SEMA4B: variants seen among roughly 807,000 people sequenced by gnomAD.
The protein encoded by SEMA4B is semaphorin 4B, also known as semaphorin-4B.
SEMA4B carries 55 observed loss-of-function variants against 88.1 expected under a neutral mutation model. The observed-to-expected ratio is 0.62, with a 90% confidence interval of 0.50 to 0.78. The LOEUF (loss-of-function observed/expected upper bound fraction) is 0.78, where lower values mean the gene tolerates loss of function less well. Ranked by LOEUF, SEMA4B falls within the 30% of genes least tolerant of loss-of-function variation. The probability of loss-of-function intolerance (pLI) is 0.00; values close to 1 mark genes in which losing one functional copy is unlikely to be tolerated. For missense variants in SEMA4B, 1,062 were observed against 1,111.9 expected, an observed-to-expected ratio of 0.96 and a Z score of 0.64; for synonymous variants, 525 against 473.6, an observed-to-expected ratio of 1.11 and a Z score of -1.41.
chr15:90,197,419 T>C (rs1325160163), upstream of SEMA4B, among the ~76,000 whole-genome samples: 1 of 151,894 alleles, frequency 6.6e-6, no homozygotes, highest in Non-Finnish European at 1.5e-5. Context: ...AACGAAGATT[T>C]AGGTGCTAGA....
chr15:90,223,071 T>C (rs1311731135), intron 7 of SEMA4B, among the ~76,000 whole-genome samples: 1 of 151,466 alleles, frequency 6.6e-6, no homozygotes, highest in Non-Finnish European at 1.5e-5. Context: ...TCTCAAGCAA[T>C]CCTCTCACCT....
At chr15:90,188,492 G>T (rs1181799959) in intron 1 of SEMA4B, among the ~76,000 whole-genome samples, 2 of 151,934 alleles carry the variant, frequency 1.3e-5, no homozygotes, top group Non-Finnish European at 2.9e-5. Flanking sequence ...GCCAGGCATG[G>T]TGGCGCATGC....
In SEMA4B at chr15:90,228,385, A is replaced by G; in HGVS notation, c.2256A>G (p.Glu752=). 5.0e-6 allele frequency: 8 copies of G among 1,599,378 alleles called. No individual in the cohort carries two copies. The highest frequency in any genetic ancestry group is 2.2e-5 in the East Asian group (1 of 44,788). ...NSMKVFLKQG[E]CASVHPKTCP... Reference sequence around the variant, plus strand: ...TGAAAGTCTTCCTGAAGCAGGGGGAATGTGCCAGCGTGCACCCCAAGACCT... The same window carrying G: ...TGAAAGTCTTCCTGAAGCAGGGGGAGTGTGCCAGCGTGCACCCCAAGACCT... Residue 752 remains glutamate, a synonymous_variant, in exon 14 of 14, where the codon GAA becomes GAG. Transcript: ENST00000411539.
intron 7 of SEMA4B, among the ~76,000 whole-genome samples, chr15:90,222,447 G>A (rs1315857961): frequency 6.6e-6 from 1 of 151,568 alleles, no homozygotes; most frequent in South Asian, 2.1e-4. Flanking sequence ...GTGCACGCCT[G>A]TAATCCTAGC....
In SEMA4B at chr15:90,222,185, C is replaced by T. The variant is rs193214085; in HGVS notation, c.861+420C>T. Among the ~76,000 whole-genome samples the T allele has an allele frequency of 3.2e-3, 476 of 151,108 alleles. 4 individuals carry two copies. The highest frequency in any genetic ancestry group is 4.9e-3 in the Non-Finnish European group (331 of 67,730). ...AAACTCCTGGGCTCAAACAATCCACCCACCTCGGCTTCCCAAAGTGCTGGG... is the reference window on the plus strand; with the variant it reads ...AAACTCCTGGGCTCAAACAATCCACTCACCTCGGCTTCCCAAAGTGCTGGG... On this transcript the variant is annotated intron_variant, in intron 7 of 13. Coordinates refer to ENST00000411539, the MANE Select transcript of SEMA4B (RefSeq NM_198925.4).
intron 6 of SEMA4B, 44 bp from the exon 7 acceptor site, chr15:90,221,570 A>G: frequency 1.9e-6 from 3 of 1,610,812 alleles, no homozygotes; most frequent in Non-Finnish European, 1.7e-6. Context: ...GCCTGTCTCC[A>G]GGGTTCCTGG....
At chr15:90,204,402 A>G (rs2151597009) in intron 1 of SEMA4B, among the ~76,000 whole-genome samples, 1 of 152,282 alleles carries the variant, frequency 6.6e-6, no homozygotes, top group Non-Finnish European at 1.5e-5. Flanking sequence ...GGTCCTTCAT[A>G]GGGAACCCTA....
At chr15:90,197,658 C>T (rs769080302), upstream of SEMA4B, among the ~76,000 whole-genome samples, 9 of 151,754 alleles carry the variant, frequency 5.9e-5, no homozygotes, top group African/African-American at 1.5e-4. Flanking sequence ...AGGATGGTCT[C>T]GAGCTCCTGA....
In SEMA4B at chr15:90,201,659, G is replaced by C; in HGVS notation, c.81G>C (p.Leu27=). ...GALPPRPPLL[L]LLLLLLLLQP... ...TGCCGCCTCGGCCACCGCTGCTGCTGCTCCTGCTGCTGCTGCTCCTGCTGC... is the reference window on the plus strand; with the variant it reads ...TGCCGCCTCGGCCACCGCTGCTGCTCCTCCTGCTGCTGCTGCTCCTGCTGC... Residue 27 remains leucine (L), a synonymous_variant, in exon 1 of 14, where the codon CTG becomes CTC. Transcript: ENST00000411539. 1 of 1,516,936 alleles carries C rather than the reference G, an allele frequency of 6.6e-7. No individual in the cohort carries two copies. 94.0% of individuals were successfully genotyped at this position (1,516,936 alleles called of 1,614,324 possible).
chr15:90,199,473 A>C (rs565832997), upstream of SEMA4B, among the ~76,000 whole-genome samples: 3 of 151,934 alleles, frequency 2.0e-5, no homozygotes, highest in African/African-American at 7.3e-5. Flanking sequence ...AGGGGGAGAG[A>C]TCAGGAGCTT....
intron 1 of SEMA4B, chr15:90,190,335 G>A (rs961857729): frequency 1.3e-5 from 2 of 152,220 alleles, no homozygotes; most frequent in Non-Finnish European, 2.9e-5. Flanking sequence ...ACAGCCTACA[G>A]AGCCTTAGGA....
chr15:90,199,809 G>C (rs1276251448), upstream of SEMA4B, among the ~76,000 whole-genome samples: 1 of 151,902 alleles, frequency 6.6e-6, no homozygotes, highest in Non-Finnish European at 1.5e-5. Context: ...CTGGGCAAAA[G>C]AGCAAGACTC....
chr15:90,203,889 T>A (rs1297054824), intron 1 of SEMA4B, among the ~76,000 whole-genome samples: 1 of 152,220 alleles, frequency 6.6e-6, no homozygotes, highest in Non-Finnish European at 1.5e-5. Context: ...TAGTGGCACC[T>A]AGCTACCTGA....
chr15:90,194,388 C>T (rs948811840), intron 1 of SEMA4B, among the ~76,000 whole-genome samples: 1 of 151,828 alleles, frequency 6.6e-6, no homozygotes, highest in Non-Finnish European at 1.5e-5. Context: ...CAAAATTAGC[C>T]GGGCGTGGTG....
In SEMA4B at chr15:90,221,056, C is replaced by G; in HGVS notation, c.558C>G (p.Pro186=). The change falls in exon 5 of 14, where the codon CCC becomes CCG. Residue 186 remains proline (P), a synonymous_variant. Transcript: ENST00000411539. ...TGGAAGATGGCAAGGGCCGTTGTCC[C>G]TTCGACCCGAATTTCAAGTCCACTG... The part of the protein sequence containing the change: ...VLLEDGKGRC[P]FDPNFKSTAL... 1 of 1,610,086 alleles carries G rather than the reference C, an allele frequency of 6.2e-7. No homozygotes were observed. Among genetic ancestry groups the G allele is most frequent in the South Asian group, 1.1e-5 (1 of 89,908 alleles).
chr15:90,200,360 G>C (rs1335245222), upstream of SEMA4B, among the ~76,000 whole-genome samples: 1 of 152,210 alleles, frequency 6.6e-6, no homozygotes, highest in African/African-American at 2.4e-5. Context: ...TTAACTACAG[G>C]AGGAACTACT....
At chr15:90,213,470 G>A (rs1229970970) in intron 1 of SEMA4B, among the ~76,000 whole-genome samples, 1 of 152,262 alleles carries the variant, frequency 6.6e-6, no homozygotes, top group East Asian at 1.9e-4. Context: ...CAGCATGGCT[G>A]GAGGGCTTGT....
chr15:90,217,744 C>T, intron 2 of SEMA4B, 23 bp from the exon 3 acceptor site: 1 of 1,612,424 alleles, frequency 6.2e-7, no homozygotes. Flanking sequence ...TTGTCCACTA[C>T]CTTCCCCTTT....
chr15:90,215,778 C>G (rs1262714498), intron 1 of SEMA4B, among the ~76,000 whole-genome samples: 1 of 152,100 alleles, frequency 6.6e-6, no homozygotes, highest in African/African-American at 2.4e-5. Flanking sequence ...TGCCAGTGCA[C>G]TCCTGCCTGG....
Sources: allele counts gnomAD v4.1 joint callset (sites outside exome capture counted in the v4.1 genomes callset), GRCh38; gene constraint gnomAD v4.1.1; transcripts MANE v1.5; gene names NCBI Gene and HGNC (gene_info 2026-07-23, HGNC 2026-07-21).